Variants in MS4A4A observed in about 807,000 individuals in gnomAD.
MS4A4A encodes the protein membrane-spanning 4-domains subfamily A member 4A.
MS4A4A carries 26 observed loss-of-function variants against 28.0 expected under a neutral mutation model. The observed-to-expected ratio is 0.93, with a 90% CI of 0.68 to 1.29. The LOEUF is 1.29. Ranked by LOEUF, MS4A4A falls within the 50% of genes most tolerant of loss-of-function variation. The pLI, the probability that MS4A4A is intolerant of heterozygous loss-of-function variation, is 0.00. For synonymous variants in MS4A4A, 86 were observed against 100.8 expected, an observed-to-expected ratio of 0.85 and a Z score of 0.88; for missense variants, 290 against 293.1, an observed-to-expected ratio of 0.99 and a Z score of 0.08.
At chr11:60,286,254 G>A (rs2084802917) in intron 1 of MS4A4A, among the ~76,000 whole-genome samples, 1 of 152,136 alleles carries the variant, frequency 6.6e-6, no homozygotes, top group African/African-American at 2.4e-5. Flanking sequence ...AAACACACAT[G>A]TTTTACAATT....
At chr11:60,300,397 A>G (rs186477027) in intron 3 of MS4A4A, among the ~76,000 whole-genome samples, 1 of 152,054 alleles carries the variant, frequency 6.6e-6, no homozygotes, top group Admixed American at 6.6e-5. Flanking sequence ...CGGGCGGATC[A>G]CGAGGTCAGG....
At chr11:60,300,343 G>T (rs1375431816) in intron 3 of MS4A4A, among the ~76,000 whole-genome samples, 1 of 152,010 alleles carries the variant, frequency 6.6e-6, no homozygotes, top group Non-Finnish European at 1.5e-5. Context: ...TTGGCCGGGC[G>T]CAGTGGCTCA....
chr11:60,303,255 C>G (rs1357862314), intron 5 of MS4A4A, among the ~76,000 whole-genome samples: 1 of 152,134 alleles, frequency 6.6e-6, no homozygotes, highest in African/African-American at 2.4e-5. Context: ...TTGTTCTTAT[C>G]TTAATGCTAT....
intron 6 of MS4A4A, among the ~76,000 whole-genome samples, chr11:60,307,588 G>C (rs1228976178): frequency 6.6e-6 from 1 of 152,128 alleles, no homozygotes; most frequent in South Asian, 2.1e-4. Context: ...AAAAGCAGTG[G>C]TTTTGGGGCA....
At chr11:60,300,957 A>T in intron 3 of MS4A4A, 44 bp from the exon 4 acceptor site, 1 of 1,438,684 alleles carries the variant, frequency 7.0e-7, no homozygotes, top group Non-Finnish European at 9.6e-7. Flanking sequence ...GACTCCCAAT[A>T]CTGGCTTAAA....
At chr11:60,292,473 A>G in intron 2 of MS4A4A, 89 bp downstream of exon 2, 7 of 1,325,900 alleles carry the variant, frequency 5.3e-6, no homozygotes, top group Non-Finnish European at 7.0e-6. Context: ...CACTAGCCTC[A>G]TAATACAACA....
At chr11:60,298,264 T>G (rs73487302) in intron 3 of MS4A4A, among the ~76,000 whole-genome samples, 1 of 152,216 alleles carries the variant, frequency 6.6e-6, no homozygotes, top group African/African-American at 2.4e-5. Context: ...CATTGCAGGG[T>G]TTCCATTTAT....
chr11:60,304,064 T>C (rs1431884784), intron 5 of MS4A4A, among the ~76,000 whole-genome samples: 1 of 152,228 alleles, frequency 6.6e-6, no homozygotes, highest in Non-Finnish European at 1.5e-5. Context: ...AAAGCTTCTA[T>C]AGAGAATTTG....
chr11:60,289,829 A>C (rs1414673887), intron 1 of MS4A4A, among the ~76,000 whole-genome samples: 1 of 152,044 alleles, frequency 6.6e-6, no homozygotes, highest in South Asian at 2.1e-4. Context: ...ATTTTCAGCT[A>C]TTCCTTGTTA....
intron 1 of MS4A4A, among the ~76,000 whole-genome samples, chr11:60,286,141 T>C (rs1249901527): frequency 1.3e-5 from 2 of 152,246 alleles, no homozygotes; most frequent in Non-Finnish European, 2.9e-5. Flanking sequence ...GACTTTGTTC[T>C]GCCCGGCCCC....
In MS4A4A at chr11:60,282,671, G is replaced by A. The variant is rs567838160; in HGVS notation, c.41+1955G>A. On this transcript the variant is annotated intron_variant, in intron 1 of 6. Transcript: ENST00000337908. The stretch of plus-strand genomic sequence containing the variant: ...TGTCTCAATATAGGAATGAAATTAC[G>A]TCTTTGGAACAACTTAAATAAGTCA... 791 of 1,285,130 alleles carry A rather than the reference G, an allele frequency of 6.2e-4. 10 individuals carry two copies. The South Asian group carries it at 6.9e-3, about 11-fold the overall frequency. 79.6% of individuals were successfully genotyped at this position (1,285,130 alleles called of 1,614,324 possible).
chr11:60,302,142 A>G (rs2084957742), intron 4 of MS4A4A, among the ~76,000 whole-genome samples: 1 of 152,246 alleles, frequency 6.6e-6, no homozygotes, highest in South Asian at 2.1e-4. Flanking sequence ...AACGTACAGA[A>G]AAGAATATAC....
intron 2 of MS4A4A, among the ~76,000 whole-genome samples, chr11:60,293,166 T>G (rs2135019735): frequency 6.6e-6 from 1 of 152,286 alleles, no homozygotes; most frequent in Admixed American, 6.5e-5. Flanking sequence ...CAAGAGATTC[T>G]CCTGCCTCAG....
At chr11:60,302,832 G>A in intron 5 of MS4A4A, 115 bp downstream of exon 5, 2 of 963,550 alleles carry the variant, frequency 2.1e-6, no homozygotes, top group Non-Finnish European at 3.1e-6. Context: ...TGGGAAGTTG[G>A]AGTGATTGAG....
chr11:60,284,680 A>G (rs1282790199), intron 1 of MS4A4A, among the ~76,000 whole-genome samples: 2 of 152,160 alleles, frequency 1.3e-5, no homozygotes, highest in Non-Finnish European at 2.9e-5. Flanking sequence ...TCTCTGTTCT[A>G]ATGATAATGG....
In MS4A4A at chr11:60,302,669, C is replaced by A; in HGVS notation, c.498C>A (p.Asn166Lys). 1 of 1,613,926 alleles carries A rather than the reference C, an allele frequency of 6.2e-7. No individual in the cohort carries two copies. The highest frequency in any genetic ancestry group is 8.5e-7 in the Non-Finnish European group (1 of 1,179,840). ...AFYSFHHPYC[N>K]YYGNSNNCHG... ...ATTCATTCCATCACCCTTACTGTAA[C>A]TACTATGGCAACTCAAATAATTGTC... The change falls in exon 5 of 7, where the codon AAC becomes AAA. Residue 166 changes from asparagine (N) to lysine (K), a missense_variant. Coordinates refer to ENST00000337908, the MANE Select transcript of MS4A4A (RefSeq NM_148975.3).
intron 2 of MS4A4A, among the ~76,000 whole-genome samples, chr11:60,293,202 C>A (rs1305091322): frequency 6.6e-6 from 1 of 152,118 alleles, no homozygotes; most frequent in Non-Finnish European, 1.5e-5. Context: ...GGATTACAGG[C>A]ATGAGCCATC....
At chr11:60,305,111 G>A (rs190390370) in intron 5 of MS4A4A, among the ~76,000 whole-genome samples, 1 of 152,236 alleles carries the variant, frequency 6.6e-6, no homozygotes, top group Admixed American at 6.5e-5. Context: ...TCAATCCGGG[G>A]GAAAATTAAT....
At chr11:60,292,884 G>C (rs1308350312) in intron 2 of MS4A4A, among the ~76,000 whole-genome samples, 1 of 152,088 alleles carries the variant, frequency 6.6e-6, no homozygotes, top group East Asian at 1.9e-4. Context: ...CAGGTGAAAG[G>C]ATATTAAATA....
Sources: allele counts gnomAD v4.1 joint callset (sites outside exome capture counted in the v4.1 genomes callset), GRCh38; gene constraint gnomAD v4.1.1; transcripts MANE v1.5; gene names NCBI Gene and HGNC (gene_info 2026-07-23, HGNC 2026-07-21).